Variants in SRGAP3 observed in about 807,000 individuals in gnomAD.
SRGAP3 encodes SLIT-ROBO Rho GTPase activating protein 3.
SRGAP3 carries 39 observed loss-of-function variants against 121.1 expected under a neutral mutation model. The ratio of observed to expected loss-of-function variants is 0.32; its 90% confidence interval spans 0.25 to 0.42. The LOEUF (loss-of-function observed/expected upper bound fraction) is 0.42, where lower values mean the gene tolerates loss of function less well. Among genes scored for constraint, SRGAP3 ranks in the 10% least tolerant of loss-of-function variants. SRGAP3 has a pLI of 1.00. For synonymous variants in SRGAP3, 601 were observed against 570.0 expected, an observed-to-expected ratio of 1.05 and a Z score of -0.77; for missense variants, 1,213 against 1,470.6, an observed-to-expected ratio of 0.82 and a Z score of 2.86.
At chr3:9,034,624 C>T (rs1033308360) in intron 11 of SRGAP3, 1 of 152,176 alleles carries the variant, frequency 6.6e-6, no homozygotes, top group African/African-American at 2.4e-5. Flanking sequence ...CAGCACAGAT[C>T]AAAATTTTGA....
chr3:9,312,627 C>T (rs1207871723), intron 3 of SRGAP3, among the ~76,000 whole-genome samples: 1 of 152,214 alleles, frequency 6.6e-6, no homozygotes, highest in East Asian at 1.9e-4. Context: ...ATGAAATGAA[C>T]TGATGAGCAT....
chr3:9,273,715 T>A (rs1322572375), intron 3 of SRGAP3, among the ~76,000 whole-genome samples: 1 of 152,240 alleles, frequency 6.6e-6, no homozygotes, highest in Admixed American at 6.5e-5. Flanking sequence ...CTTTATCGTT[T>A]TAGGTCTTAC....
Position 9,030,093 on chromosome 3 carries a change from A to G in SRGAP3, c.1539+2557T>C, listed in dbSNP as rs942600670. ...CTTGAGCCCAAGAGGTCAAGGCTGC[A>G]GTGAGCCGTGATTGTGCCACTGTAC... is the stretch of plus-strand genomic sequence containing the variant. On this transcript the variant is annotated intron_variant, in intron 12 of 21. Transcript: ENST00000383836. Among the ~76,000 whole-genome samples the G allele has an allele frequency of 2.0e-5, 3 of 152,310 alleles. No individual in the cohort carries two copies. In the South Asian group the frequency reaches 6.2e-4, roughly 32 times the overall value.
chr3:9,354,167 T>C lies in SRGAP3; in HGVS notation n.214+8673A>G, dbSNP rs953705409. On this transcript the variant is annotated intron_variant and non_coding_transcript_variant, in intron 1 of 3. Coordinates refer to the SRGAP3 transcript ENST00000490889. Reference sequence around the variant, plus strand: ...TGGTGGTAATGTTAATAGGCTAAACTTCAAGTACCATAACAAAGTCCGCAG... The same window carrying C: ...TGGTGGTAATGTTAATAGGCTAAACCTCAAGTACCATAACAAAGTCCGCAG... Among the ~76,000 whole-genome samples, 4 of 152,152 alleles carry C rather than the reference T, an allele frequency of 2.6e-5. No homozygotes were observed. The East Asian group carries it at 7.7e-4, about 29-fold the overall frequency.
At chr3:9,137,813 A>G (rs1337933945) in intron 1 of SRGAP3, among the ~76,000 whole-genome samples, 2 of 152,240 alleles carry the variant, frequency 1.3e-5, no homozygotes, top group Non-Finnish European at 2.9e-5. Context: ...CTTCCCATGA[A>G]GAAGTCAGAC....
In SRGAP3 at chr3:9,166,744, T is replaced by C. The variant is rs558003195; in HGVS notation, c.68-41827A>G. 9.2e-5 allele frequency among the ~76,000 whole-genome samples: 14 copies of C among 152,290 alleles called. No homozygotes were observed. The East Asian group carries it at 2.7e-3, about 29-fold the overall frequency. On this transcript the variant is annotated intron_variant, in intron 1 of 21. Transcript: ENST00000383836. ...CTCCAAGCCACAGCAAATGTAAACT[T>C]GGCTGCCAGCACACAGCCTTCCTCA...
chr3:9,197,505 C>T (rs911869023), intron 1 of SRGAP3, among the ~76,000 whole-genome samples: 3 of 152,204 alleles, frequency 2.0e-5, no homozygotes, highest in Admixed American at 6.5e-5. Flanking sequence ...AATCACTAAA[C>T]GCTTGACAAC....
intron 3 of SRGAP3, among the ~76,000 whole-genome samples, chr3:9,305,724 G>C (rs1955149895): frequency 6.6e-6 from 1 of 152,084 alleles, no homozygotes; most frequent in Non-Finnish European, 1.5e-5. Flanking sequence ...CCATGTCCCT[G>C]CAAAGGACAT....
intron 4 of SRGAP3, 38 bp from the exon 5 acceptor site, chr3:9,064,619 A>G (rs1241635180): frequency 6.2e-7 from 1 of 1,612,406 alleles, no homozygotes; most frequent in Non-Finnish European, 8.5e-7. Context: ...GCAGCCAGCT[A>G]TGGCCCAGCA....
chr3:9,116,715 A>G lies in SRGAP3; in HGVS notation c.260+8010T>C, dbSNP rs145816334. On this transcript the variant is annotated intron_variant, in intron 2 of 21. Coordinates refer to ENST00000383836, the MANE Select transcript of SRGAP3 (RefSeq NM_014850.4). ...TCAAGAAGCTCAAAGCCAGCCCAGA[A>G]AGATGAGGGAACAAAGTCAGCAGCT... Among the ~76,000 whole-genome samples, 73 of 152,328 alleles carry G rather than the reference A, an allele frequency of 4.8e-4. No homozygotes were observed. The East Asian group carries it at 0.013, about 27-fold the overall frequency.
At chr3:9,354,319 G>A (rs544667105) in intron 1 of SRGAP3, among the ~76,000 whole-genome samples, 25 of 152,308 alleles carry the variant, frequency 1.6e-4, no homozygotes, top group African/African-American at 5.8e-4. Context: ...TGCAGGAGAG[G>A]AAGAAGGTGG....
At chr3:9,133,024 ATTAT>A (rs1949515301) in intron 1 of SRGAP3, among the ~76,000 whole-genome samples, 1 of 148,824 alleles carries the variant, frequency 6.7e-6, no homozygotes, top group Non-Finnish European at 1.5e-5. Flanking sequence ...TATAGATCAT[ATTAT>A]TTATATTATA....
At chr3:9,153,042 A>C (rs1242089023) in intron 1 of SRGAP3, among the ~76,000 whole-genome samples, 2 of 152,054 alleles carry the variant, frequency 1.3e-5, no homozygotes, top group East Asian at 3.9e-4. Flanking sequence ...CCACATGCTC[A>C]TTTCTATCTT....
rs1243374417 is a variant in SRGAP3, at chr3:9,109,439, C to G, written c.261-4597G>C. On this transcript the variant is annotated intron_variant, in intron 2 of 21. Coordinates refer to ENST00000383836, the MANE Select transcript of SRGAP3 (RefSeq NM_014850.4). The surrounding 1 kb of genome is among the most constrained non-coding windows in gnomAD (Gnocchi z 4.4). ...TTGCAGGAGGCAGAGCGAGCCAAGG[C>G]AAGGAGGAGGATGTTACCCGAAAGC... 1.3e-5 allele frequency among the ~76,000 whole-genome samples: 2 copies of G among 152,158 alleles called. No individual in the cohort carries two copies. Among genetic ancestry groups the G allele is most frequent in the African/African-American group, 4.8e-5 (2 of 41,428 alleles).
At chr3:9,175,658 G>T (rs1043076403) in intron 1 of SRGAP3, among the ~76,000 whole-genome samples, 2 of 152,198 alleles carry the variant, frequency 1.3e-5, no homozygotes, top group Non-Finnish European at 2.9e-5. Flanking sequence ...CTAGCACCAC[G>T]CCTGGTACAG....
intron 4 of SRGAP3, among the ~76,000 whole-genome samples, chr3:9,073,398 G>T (rs576575189): frequency 1.9e-4 from 29 of 152,342 alleles, no homozygotes; most frequent in African/African-American, 6.7e-4. Context: ...GCCTGACTTG[G>T]CCTCCCAAAG....
intron 17 of SRGAP3, among the ~76,000 whole-genome samples, chr3:9,011,602 T>C (rs1190598010): frequency 1.3e-5 from 2 of 152,208 alleles, no homozygotes; most frequent in Non-Finnish European, 2.9e-5. Flanking sequence ...CAGGAAGCCC[T>C]TCCTGATTTC....
intron 2 of SRGAP3, chr3:9,330,492 G>T: frequency 6.1e-6 from 1 of 165,206 alleles, no homozygotes; most frequent in Non-Finnish European, 1.4e-5. Context: ...CAGCCACTCT[G>T]AGAGATCAAT....
intron 2 of SRGAP3, among the ~76,000 whole-genome samples, chr3:9,118,691 GCCC>G (rs59590687): frequency 6.7e-6 from 1 of 149,004 alleles, no homozygotes; most frequent in Admixed American, 6.6e-5. Context: ...AGATTGCCAG[GCCC>G]CCCCCCCAAG....
Sources: allele counts gnomAD v4.1 joint callset (sites outside exome capture counted in the v4.1 genomes callset), GRCh38; gene constraint gnomAD v4.1.1; non-coding constraint Gnocchi (gnomAD v3.1); transcripts MANE v1.5; gene names NCBI Gene and HGNC (gene_info 2026-07-23, HGNC 2026-07-21).